TCEAL4: variants seen among roughly 807,000 people sequenced by gnomAD.
TCEAL4 encodes transcription elongation factor A protein-like 4.
TCEAL4 carries 1 observed loss-of-function variant against 1.3 expected under a neutral mutation model. That is an observed-to-expected ratio of 0.79 (90% CI 0.28 to 3.76). TCEAL4 has a LOEUF of 3.76. Among genes scored for constraint, TCEAL4 ranks in the 30% most tolerant of loss-of-function variants. TCEAL4 has a pLI of 0.18. For missense variants in TCEAL4, 129 were observed against 154.7 expected (o/e 0.83, Z 0.88); for synonymous variants, 54 against 50.7 (o/e 1.06, Z -0.28).
intron 2 of TCEAL4, among the ~76,000 whole-genome samples, chrX:103,579,704 A>G (rs771983140): frequency 8.5e-4 from 95 of 112,230 alleles, no homozygotes; most frequent in Non-Finnish European, 1.6e-3. Flanking sequence ...GCAAGATCAC[A>G]TCACCTGCAA....
intron 2 of TCEAL4, among the ~76,000 whole-genome samples, chrX:103,579,809 A>G (rs773358364): frequency 6.1e-4 from 69 of 112,225 alleles, no homozygotes; most frequent in Non-Finnish European, 1.0e-3. Context: ...TCAGAAAATA[A>G]AGCTCTTCAT....
chrX:103,579,030 C>T (rs961912281), intron 2 of TCEAL4, among the ~76,000 whole-genome samples: 1 of 111,620 alleles, frequency 9.0e-6, no homozygotes, highest in African/African-American at 3.3e-5. Context: ...AAAAAGAGGC[C>T]CAAATTCATT....
upstream of TCEAL4, chrX:103,585,465 G>A (rs2073531058): frequency 9.2e-7 from 1 of 1,088,151 alleles, no homozygotes; most frequent in Non-Finnish European, 1.2e-6. Context: ...CTGGCTAGGA[G>A]GCGGGGCGTG....
At chrX:103,579,651 A>C (rs2073498934) in intron 2 of TCEAL4, among the ~76,000 whole-genome samples, 1 of 112,081 alleles carries the variant, frequency 8.9e-6, no homozygotes, top group African/African-American at 3.2e-5. Context: ...CTCATTTGTT[A>C]GTTCCTACAG....
At chrX:103,579,379 G>A (rs2073497570) in intron 2 of TCEAL4, among the ~76,000 whole-genome samples, 1 of 112,560 alleles carries the variant, frequency 8.9e-6, no homozygotes, top group East Asian at 2.8e-4. Context: ...ATCAATTTTG[G>A]AAATACTAAG....
In TCEAL4 at chrX:103,585,779, G is replaced by T. The variant is rs769730245; in HGVS notation, c.-101+155G>T. 6 of 1,128,174 alleles carry T rather than the reference G, an allele frequency of 5.3e-6. No homozygotes were observed. The East Asian group carries it at 1.7e-4, about 31-fold the overall frequency. 93.0% of individuals were successfully genotyped at this position (1,128,174 alleles called of 1,213,427 possible). A position where few individuals can be genotyped will look rare whatever the true frequency, so the allele number is the denominator to read the frequency against. ...GATGGCGGTGGGAAAACGGCTAGGG[G>T]TGGCTGAGGGGGAGCACGTAGGCAG... is the stretch of plus-strand genomic sequence containing the variant. On this transcript the variant is annotated intron_variant, in intron 1 of 2. Transcript: ENST00000472484.
At chrX:103,584,163 G>C (rs1373495260), upstream of TCEAL4, among the ~76,000 whole-genome samples, 1 of 110,859 alleles carries the variant, frequency 9.0e-6, no homozygotes, top group African/African-American at 3.3e-5. Flanking sequence ...CCTGACCTCA[G>C]GTGATCCACC....
chrX:103,585,642 C>T lies in TCEAL4; in HGVS notation c.-101+18C>T. 2.6e-6 allele frequency: 3 copies of T among 1,165,547 alleles called. No homozygotes were observed. The highest frequency in any genetic ancestry group is 3.4e-6 in the Non-Finnish European group (3 of 872,633). ...TCTTCCAGGTCAGTGTGCGGGCCTT[C>T]CACGCTGCCAGCGGAACACTGGAAT... On this transcript the variant is annotated intron_variant, in intron 1 of 2. Coordinates refer to ENST00000472484, the MANE Select transcript of TCEAL4 (RefSeq NM_001006935.3).
At chrX:103,580,935 A>C (rs968700768), upstream of TCEAL4, among the ~76,000 whole-genome samples, 3 of 111,312 alleles carry the variant, frequency 2.7e-5, no homozygotes, top group Admixed American at 2.9e-4. Context: ...CCCTTCAAAA[A>C]ATCAATGAAT....
intron 2 of TCEAL4, chrX:103,577,229 C>A (rs2147616751): frequency 8.6e-7 from 1 of 1,159,314 alleles, no homozygotes; most frequent in East Asian, 3.3e-5. Context: ...TAAATGGATG[C>A]AATATGCATA....
Position 103,586,632 on chromosome X carries a change from C to G in TCEAL4, c.-27-17C>G, listed in dbSNP as rs780759122. On this transcript the variant is annotated splice_polypyrimidine_tract_variant and intron_variant, in intron 2 of 2. Transcript: ENST00000472484. ...GTCTCCTCTTTGTCTCCTCTTTCCTCCACCCCCATCCCCCAGGACAGGAAA... is the reference window on the plus strand; with the variant it reads ...GTCTCCTCTTTGTCTCCTCTTTCCTGCACCCCCATCCCCCAGGACAGGAAA... The G allele has an allele frequency of 2.5e-6, 3 of 1,196,324 alleles. No homozygotes were observed. The highest frequency in any genetic ancestry group is 3.4e-6 in the Non-Finnish European group (3 of 889,304).
Position 103,586,493 on chromosome X carries a change from G to A in TCEAL4, c.-27-156G>A, listed in dbSNP as rs1043387081. The stretch of plus-strand genomic sequence containing the variant: ...GTGTGTGGGAGGAGTGGCGGGCTAC[G>A]TGGTGGGCAGAAGGCCCTCTTGGAG... On this transcript the variant is annotated intron_variant, in intron 2 of 2. Transcript: ENST00000472484. 9.7e-6 allele frequency: 8 copies of A among 824,513 alleles called. No homozygotes were observed. In the African/African-American group the frequency reaches 1.7e-4, roughly 17 times the overall value. The allele number at this position is 824,513 out of a possible 1,213,427, so 67.9% of individuals were successfully genotyped here.
intron 1 of TCEAL4, chrX:103,576,975 C>T: frequency 1.1e-6 from 1 of 891,463 alleles, no homozygotes; most frequent in East Asian, 3.5e-5. Flanking sequence ...ATGGCAGCTG[C>T]TTCTCCAAGA....
chrX:103,585,896 C>G, intron 1 of TCEAL4: 1 of 1,060,323 alleles, frequency 9.4e-7, no homozygotes, highest in Non-Finnish European at 1.2e-6. Context: ...ATTTTGGAGC[C>G]GGAGATGGTG....
chrX:103,585,905 T>TG, intron 1 of TCEAL4: 1 of 1,064,984 alleles, frequency 9.4e-7, no homozygotes, highest in Non-Finnish European at 1.2e-6. Context: ...CCGGAGATGG[T>TG]GGGCTGGGGC....
At position 103,586,898 on chromosome X, in the gene TCEAL4, A is replaced by G; in HGVS notation, c.223A>G (p.Lys75Glu). 8.3e-7 allele frequency: 1 copy of G among 1,198,097 alleles called. No individual in the cohort carries two copies. The highest frequency in any genetic ancestry group is 1.7e-5 in the African/African-American group (1 of 57,216). Residue 75 changes from lysine to glutamate, a missense_variant, in exon 3 of 3, where the codon AAG (lysine) becomes GAG (glutamate). Physicochemically the swap from Lys to Glu is moderately conservative, Grantham distance 56. Transcript: ENST00000472484. The part of the protein sequence containing the change: ...PESEGEAKEG[K>E]SEREGESEME... ...GAGTGAGGGAGAGGCAAAAGAAGGA[A>G]AGTCAGAGAGGGAGGGAGAGTCAGA...
intron 1 of TCEAL4, chrX:103,585,896 C>A: frequency 9.4e-7 from 1 of 1,060,322 alleles, no homozygotes; most frequent in South Asian, 2.5e-5. Context: ...ATTTTGGAGC[C>A]GGAGATGGTG....
At chrX:103,583,165 T>C (rs1182649770), upstream of TCEAL4, among the ~76,000 whole-genome samples, 1 of 112,136 alleles carries the variant, frequency 8.9e-6, no homozygotes, top group Non-Finnish European at 1.9e-5. Flanking sequence ...ACCACAATGA[T>C]ATACCATCTT....
At position 103,577,090 on chromosome X, in the gene TCEAL4, G is replaced by A. The variant is rs73520402; in HGVS notation, c.64-4G>A. On this transcript the variant is annotated splice_polypyrimidine_tract_variant and splice_region_variant and intron_variant, in intron 1 of 4. Coordinates refer to the TCEAL4 transcript ENST00000372629. ...CTGTATTATACTGATCAAAATAGTC[G>A]CAGGGCCTCCCAAATTCAAAAGGAA... 0.01 allele frequency: 11,787 copies of A among 1,164,286 alleles called. 747 individuals are homozygous for A. The African/African-American group carries it at 0.18, about 18-fold the overall frequency.
Sources: allele counts gnomAD v4.1 joint callset (sites outside exome capture counted in the v4.1 genomes callset), GRCh38; gene constraint gnomAD v4.1.1; transcripts MANE v1.5; gene names NCBI Gene and HGNC (gene_info 2026-07-23, HGNC 2026-07-21).